The following CTNNA3 variants were observed in gnomAD, a reference collection of about 807,000 sequenced individuals.
CTNNA3 encodes the protein catenin alpha-3.
Under a neutral mutation model 95.7 loss-of-function variants are expected in CTNNA3, and 76 were observed. The ratio of observed to expected loss-of-function variants is 0.79; its 90% CI spans 0.66 to 0.96. The LOEUF (loss-of-function observed/expected upper bound fraction) is 0.96. Ranked by LOEUF, CTNNA3 falls within the 40% of genes least tolerant of loss-of-function variation. The probability of loss-of-function intolerance (pLI) is 0.00; values close to 1 mark genes in which losing one functional copy is unlikely to be tolerated. For missense variants in CTNNA3, 1,191 were observed against 1,089.8 expected (o/e 1.09, Z -1.31); for synonymous variants, 431 against 374.4 (o/e 1.15, Z -1.74).
chr10:67,744,895 A>G (rs1841365554), intron 1 of CTNNA3, among the ~76,000 whole-genome samples: 1 of 152,114 alleles, frequency 6.6e-6, no homozygotes, highest in African/African-American at 2.4e-5. Context: ...GCAGCCAAAA[A>G]ACACATGAAA....
At chr10:66,271,666 T>C (rs1201159144) in intron 13 of CTNNA3, among the ~76,000 whole-genome samples, 2 of 152,198 alleles carry the variant, frequency 1.3e-5, no homozygotes, top group African/African-American at 4.8e-5. Flanking sequence ...TGGCTCCTTA[T>C]ATTCAGCTAC....
chr10:66,629,072 T>C (rs990601344), intron 9 of CTNNA3, among the ~76,000 whole-genome samples: 1 of 152,060 alleles, frequency 6.6e-6, no homozygotes, highest in Non-Finnish European at 1.5e-5. Context: ...TTGCCCACAA[T>C]ACTGTGATGT....
intron 17 of CTNNA3, among the ~76,000 whole-genome samples, chr10:65,958,791 C>T (rs552055280): frequency 6.6e-6 from 1 of 152,160 alleles, no homozygotes; most frequent in South Asian, 2.1e-4. Context: ...TATGAGGTGT[C>T]AGTCAGCCCC....
intron 11 of CTNNA3, among the ~76,000 whole-genome samples, chr10:66,484,195 A>G (rs1386670683): frequency 6.6e-6 from 1 of 150,604 alleles, no homozygotes; most frequent in Non-Finnish European, 1.5e-5. Flanking sequence ...GTGTTCTTAT[A>G]CTTGGAAAGG....
intron 4 of CTNNA3, among the ~76,000 whole-genome samples, chr10:67,536,771 T>G (rs984744244): frequency 3.9e-5 from 6 of 152,134 alleles, no homozygotes; most frequent in African/African-American, 1.4e-4. Context: ...TCATGGGAAT[T>G]TCTATGTGCA....
intron 5 of CTNNA3, among the ~76,000 whole-genome samples, chr10:67,407,539 C>T (rs1349593082): frequency 2.0e-5 from 3 of 152,110 alleles, no homozygotes; most frequent in African/African-American, 7.2e-5. Flanking sequence ...CACTCCTAGT[C>T]AACATAGTAT....
chr10:66,166,758 A>T (rs2085153116), intron 13 of CTNNA3, among the ~76,000 whole-genome samples: 1 of 151,708 alleles, frequency 6.6e-6, no homozygotes, highest in Non-Finnish European at 1.5e-5. Context: ...AGCAAAAAAA[A>T]TTAAAATAGG....
At chr10:67,719,224 AT>A (rs1484247135) in intron 1 of CTNNA3, among the ~76,000 whole-genome samples, 1 of 149,248 alleles carries the variant, frequency 6.7e-6, no homozygotes, top group Non-Finnish European at 1.5e-5. Context: ...CTAGTGGTCT[AT>A]TTTGTTAATC....
intron 7 of CTNNA3, chr10:66,928,422 C>G: frequency 2.5e-6 from 4 of 1,611,068 alleles, no homozygotes; most frequent in Non-Finnish European, 3.4e-6. Flanking sequence ...GACCCTGCAC[C>G]TATAACAAAT....
intron 7 of CTNNA3, among the ~76,000 whole-genome samples, chr10:66,869,866 A>G (rs1269260912): frequency 6.6e-6 from 1 of 152,194 alleles, no homozygotes; most frequent in Non-Finnish European, 1.5e-5. Context: ...TAGAAGTGTC[A>G]GGAACCATGT....
At position 66,103,148 on chromosome 10, in the gene CTNNA3, G is replaced by A; in HGVS notation, c.1977+9C>T. The A allele has an allele frequency of 1.2e-6, 2 of 1,609,026 alleles. No homozygotes were observed. Among genetic ancestry groups the A allele is most frequent in the Non-Finnish European group, 1.7e-6 (2 of 1,175,300 alleles). ...GTACATGGTTCTCCCACCAGTTGAA[G>A]TGACATACCCTATCAGTTTTCCCTT... On this transcript the variant is annotated intron_variant, in intron 14 of 17. Transcript: ENST00000433211.
intron 13 of CTNNA3, among the ~76,000 whole-genome samples, chr10:66,139,498 C>T (rs1564690768): frequency 6.6e-6 from 1 of 152,034 alleles, no homozygotes; most frequent in African/African-American, 2.4e-5. Flanking sequence ...AATAACACAC[C>T]CTGCTAATGA....
rs947531330 is a variant in CTNNA3 at position 66,875,621 on chromosome 10, A to C, written c.1048-100097T>G. ...GAAGGTAGTTATTCAATAATACGAC[A>C]ACATAATAAAAAGCTTTAAAATAAA... On this transcript the variant is annotated intron_variant, in intron 7 of 17. Coordinates refer to ENST00000433211, the MANE Select transcript of CTNNA3 (RefSeq NM_013266.4). Among the ~76,000 whole-genome samples, 5 of 145,992 alleles carry C rather than the reference A, an allele frequency of 3.4e-5. No homozygotes were observed. The Admixed American group carries it at 3.6e-4, about 11-fold the overall frequency.
Position 66,034,853 on chromosome 10 carries a change from G to A in CTNNA3, c.2159+34455C>T, listed in dbSNP as rs528358792. 3.9e-5 allele frequency among the ~76,000 whole-genome samples: 6 copies of A among 152,286 alleles called. No homozygotes were observed. In the South Asian group the frequency reaches 1.2e-3, roughly 32 times the overall value. ...AAATGAATGGTGTACCTGCAAATCA[G>A]TAAGTGTTGTGCTTTCCATAAACAT... is the stretch of plus-strand genomic sequence containing the variant. On this transcript the variant is annotated intron_variant, in intron 15 of 17. Coordinates refer to ENST00000433211, the MANE Select transcript of CTNNA3 (RefSeq NM_013266.4).
rs569127291 is a variant in CTNNA3, at chr10:67,119,065, G to C, written c.1047+61252C>G. Among the ~76,000 whole-genome samples the C allele has an allele frequency of 8.6e-5, 13 of 151,892 alleles. No individual in the cohort carries two copies. In the East Asian group the frequency reaches 2.5e-3, roughly 29 times the overall value. On this transcript the variant is annotated intron_variant, in intron 7 of 17. Coordinates refer to ENST00000433211, the MANE Select transcript of CTNNA3 (RefSeq NM_013266.4). ...ACTAAGAAAGTAGGCCAATATAACT[G>C]GAGTAAAGCCAAATACTAATGAAAA...
intron 15 of CTNNA3, among the ~76,000 whole-genome samples, chr10:66,021,685 T>C (rs2079213413): frequency 6.6e-6 from 1 of 152,072 alleles, no homozygotes; most frequent in Non-Finnish European, 1.5e-5. Flanking sequence ...AGCTCTCAGA[T>C]TCTGAATATT....
chr10:66,187,834 G>A lies in CTNNA3; in HGVS notation c.1885-84585C>T, dbSNP rs2086423529. ...GTTAGCAAATTATATTATTTAAGAT[G>A]TCTAGTTTTCAATAAGGAATTATGA... On this transcript the variant is annotated intron_variant, in intron 13 of 17. Transcript: ENST00000433211. Among the ~76,000 whole-genome samples the A allele has an allele frequency of 1.3e-5, 2 of 152,012 alleles. 1 individual carries two copies. Among genetic ancestry groups the A allele is most frequent in the South Asian group, 4.1e-4 (2 of 4,820 alleles).
At chr10:66,743,328 C>A (rs942095830) in intron 9 of CTNNA3, among the ~76,000 whole-genome samples, 2 of 152,038 alleles carry the variant, frequency 1.3e-5, no homozygotes. Context: ...AGGAAAAGAT[C>A]GTACAAATTT....
At chr10:66,625,264 C>G (rs1329879716) in intron 9 of CTNNA3, among the ~76,000 whole-genome samples, 1 of 152,128 alleles carries the variant, frequency 6.6e-6, no homozygotes, top group Non-Finnish European at 1.5e-5. Context: ...ACATGGCTGA[C>G]CTTATTGCCC....
Sources: gnomAD v4.1 joint callset for allele counts (sites outside exome capture counted in the v4.1 genomes callset) on GRCh38, gnomAD v4.1.1 for gene constraint, MANE v1.5 for transcripts, NCBI Gene and HGNC (gene_info 2026-07-23, HGNC 2026-07-21) for gene names.